MDFIC2: variants seen among roughly 807,000 people sequenced by gnomAD.
The protein encoded by MDFIC2 is MyoD family inhibitor domain containing 2, also known as myoD family inhibitor domain-containing protein 2.
intron 2 of MDFIC2, among the ~76,000 whole-genome samples, chr3:70,223,023 T>G (rs543122517): frequency 6.6e-6 from 1 of 152,266 alleles, no homozygotes; most frequent in South Asian, 2.1e-4. Context: ...TCTGTGAGTA[T>G]GAGTTAGGGG....
intron 2 of MDFIC2, among the ~76,000 whole-genome samples, chr3:70,280,662 C>T (rs925060201): frequency 2.0e-5 from 3 of 152,058 alleles, no homozygotes; most frequent in Non-Finnish European, 4.4e-5. Flanking sequence ...CTGAGGCTGG[C>T]CATAGAAACT....
At chr3:70,249,847 A>G (rs9863178) in intron 2 of MDFIC2, among the ~76,000 whole-genome samples, 151,585 of 152,288 alleles carry the variant, frequency 1, 75,446 homozygotes, top group East Asian at 1. Context: ...ATAAAATAAG[A>G]TGCTGAAATT....
At chr3:70,198,910 G>C (rs1369527842) in intron 3 of MDFIC2, among the ~76,000 whole-genome samples, 1 of 152,134 alleles carries the variant, frequency 6.6e-6, no homozygotes, top group Admixed American at 6.5e-5. Flanking sequence ...TATATAGACT[G>C]TTTCAACTAT....
At chr3:70,284,943 C>G (rs989800023) in intron 2 of MDFIC2, among the ~76,000 whole-genome samples, 1 of 152,130 alleles carries the variant, frequency 6.6e-6, no homozygotes, top group African/African-American at 2.4e-5. Context: ...GTAACTGATT[C>G]ATGTGCTTTT....
chr3:70,201,164 A>G (rs1701234304), intron 3 of MDFIC2, among the ~76,000 whole-genome samples: 1 of 151,602 alleles, frequency 6.6e-6, no homozygotes, highest in Admixed American at 6.6e-5. Context: ...TAAGTCTAGT[A>G]CTCATTATTT....
intron 2 of MDFIC2, among the ~76,000 whole-genome samples, chr3:70,226,893 G>T (rs1358588650): frequency 1.3e-5 from 2 of 152,010 alleles, no homozygotes; most frequent in African/African-American, 4.8e-5. Flanking sequence ...AGAGAAGAGG[G>T]ACTGGTGGGA....
At chr3:70,293,573 G>A (rs1412990141) in intron 2 of MDFIC2, among the ~76,000 whole-genome samples, 2 of 152,062 alleles carry the variant, frequency 1.3e-5, no homozygotes, top group Non-Finnish European at 2.9e-5. Context: ...TAAAACATCT[G>A]TGCCTTACTT....
chr3:70,228,958 C>G (rs1701534140), intron 2 of MDFIC2, among the ~76,000 whole-genome samples: 1 of 151,988 alleles, frequency 6.6e-6, no homozygotes, highest in South Asian at 2.1e-4. Context: ...AGAGCAGAGT[C>G]CAGTGAAGAA....
intron 2 of MDFIC2, among the ~76,000 whole-genome samples, chr3:70,231,197 T>C (rs1369834291): frequency 2.6e-5 from 4 of 152,196 alleles, no homozygotes; most frequent in Admixed American, 2.0e-4. Flanking sequence ...AAAGAGGTTT[T>C]ATTGAAGGAA....
intron 2 of MDFIC2, among the ~76,000 whole-genome samples, chr3:70,234,952 G>A (rs1701593589): frequency 6.6e-6 from 1 of 152,112 alleles, no homozygotes; most frequent in East Asian, 1.9e-4. Flanking sequence ...ATTTGGTCTG[G>A]AGTGCAGTCT....
intron 2 of MDFIC2, among the ~76,000 whole-genome samples, chr3:70,310,750 T>C (rs1702446990): frequency 6.6e-6 from 1 of 152,204 alleles, no homozygotes; most frequent in Non-Finnish European, 1.5e-5. Flanking sequence ...GTTGGAGGTG[T>C]TGATTTCAAC....
chr3:70,240,991 C>T (rs1701662399), intron 2 of MDFIC2, among the ~76,000 whole-genome samples: 1 of 152,120 alleles, frequency 6.6e-6, no homozygotes, highest in African/African-American at 2.4e-5. Context: ...CTTTCACAGT[C>T]AAGGATATTC....
At chr3:70,264,259 C>T (rs1262555584) in intron 2 of MDFIC2, among the ~76,000 whole-genome samples, 1 of 152,182 alleles carries the variant, frequency 6.6e-6, no homozygotes, top group Non-Finnish European at 1.5e-5. Context: ...AAAAGGCCTT[C>T]GTGTTATCTG....
chr3:70,208,485 G>A (rs1346935518), intron 2 of MDFIC2, among the ~76,000 whole-genome samples: 3 of 152,014 alleles, frequency 2.0e-5, no homozygotes, highest in Non-Finnish European at 4.4e-5. Context: ...GAATCACCTG[G>A]AAAATCTTTT....
At position 70,196,358 on chromosome 3, in the gene MDFIC2, GT is replaced by G. The variant is rs943095194; in HGVS notation, c.*567del. On this transcript the variant is annotated 3_prime_UTR_variant, in exon 4 of 4. Transcript: ENST00000567252. ...CATCTGTTGTAATTACAGGAACATG[GT>G]TTCTAATTCATTTAATTCCCTTTCC... is the stretch of plus-strand genomic sequence containing the variant. Among the ~76,000 whole-genome samples, 42 of 152,062 alleles carry G rather than the reference GT, an allele frequency of 2.8e-4. No individual in the cohort carries two copies. The highest frequency in any genetic ancestry group is 9.7e-4 in the African/African-American group (40 of 41,396).
At position 70,207,701 on chromosome 3, in the gene MDFIC2, C is replaced by T. The variant is rs148925860; in HGVS notation, c.89-911G>A. On this transcript the variant is annotated intron_variant, in intron 2 of 3. Transcript: ENST00000567252. Reference sequence around the variant, plus strand: ...AACAATACAGTATAACAACCACTTACATAGCATTTACATAGTATTAGGTAT... The same window carrying T: ...AACAATACAGTATAACAACCACTTATATAGCATTTACATAGTATTAGGTAT... Among the ~76,000 whole-genome samples, 781 of 152,144 alleles carry T rather than the reference C, an allele frequency of 5.1e-3. 9 individuals are homozygous for T. Among genetic ancestry groups the T allele is most frequent in the Middle Eastern group, 0.014 (4 of 294 alleles).
chr3:70,207,573 G>T (rs1010888138), intron 2 of MDFIC2, among the ~76,000 whole-genome samples: 3 of 151,844 alleles, frequency 2.0e-5, no homozygotes, highest in African/African-American at 7.3e-5. Context: ...CGTATCTGTG[G>T]GTTTCACATC....
At chr3:70,221,676 T>C (rs536719163) in intron 2 of MDFIC2, among the ~76,000 whole-genome samples, 17 of 152,280 alleles carry the variant, frequency 1.1e-4, no homozygotes, top group African/African-American at 3.4e-4. Context: ...GACTGGTCAA[T>C]GATGCCAAGG....
At chr3:70,232,502 T>A (rs566668930) in intron 2 of MDFIC2, among the ~76,000 whole-genome samples, 2 of 151,708 alleles carry the variant, frequency 1.3e-5, no homozygotes, top group African/African-American at 4.8e-5. Context: ...CGGGTTCAAG[T>A]GATTCTCCTG....
Sources: allele counts gnomAD v4.1 joint callset (sites outside exome capture counted in the v4.1 genomes callset), GRCh38; gene constraint gnomAD v4.1.1; transcripts MANE v1.5; gene names NCBI Gene and HGNC (gene_info 2026-07-23, HGNC 2026-07-21).